DPP10: variants seen among roughly 807,000 people sequenced by gnomAD.
DPP10 encodes dipeptidyl peptidase like 10, also known as inactive dipeptidyl peptidase 10.
Under a neutral mutation model 120.9 loss-of-function variants are expected in DPP10, and 33 were observed. The observed-to-expected ratio is 0.27, with a 90% confidence interval of 0.21 to 0.37. DPP10 has a LOEUF of 0.37. Ranked by LOEUF, DPP10 falls within the 10% of genes least tolerant of loss-of-function variation. The pLI is 1.00. For missense variants in DPP10, 816 were observed against 942.8 expected (o/e 0.87, Z 1.76); for synonymous variants, 337 against 326.1 (o/e 1.03, Z -0.36).
Position 115,768,218 on chromosome 2 carries a change from C to G in DPP10, c.1114-79C>G, listed in dbSNP as rs138743717. On this transcript the variant is annotated intron_variant, in intron 12 of 25. Coordinates refer to ENST00000410059, the MANE Select transcript of DPP10 (RefSeq NM_020868.6). ...TTATAAATCAATATTTGGTATAACCCATGCAGGAATTAACAGTAGTAGGCA... is the reference window on the plus strand; with the variant it reads ...TTATAAATCAATATTTGGTATAACCGATGCAGGAATTAACAGTAGTAGGCA... 2.4e-3 allele frequency: 2,878 copies of G among 1,183,334 alleles called. 9 individuals are homozygous for G. Among genetic ancestry groups the G allele is most frequent in the Non-Finnish European group, 3.1e-3 (2,536 of 817,818 alleles). 73.3% of individuals were successfully genotyped at this position (1,183,334 alleles called of 1,614,324 possible).
chr2:114,874,841 T>C (rs1691017294), intron 1 of DPP10, among the ~76,000 whole-genome samples: 1 of 152,068 alleles, frequency 6.6e-6, no homozygotes, highest in Admixed American at 6.6e-5. Flanking sequence ...GTCTAAAGCT[T>C]GTGAATAGAG....
At chr2:115,726,572 C>T (rs1288678419) in intron 7 of DPP10, among the ~76,000 whole-genome samples, 1 of 152,060 alleles carries the variant, frequency 6.6e-6, no homozygotes, top group Non-Finnish European at 1.5e-5. Flanking sequence ...CAGTACCCTC[C>T]TTTCATTGTT....
intron 5 of DPP10, among the ~76,000 whole-genome samples, chr2:115,568,232 C>A (rs567145167): frequency 6.6e-6 from 1 of 150,480 alleles, no homozygotes; most frequent in Non-Finnish European, 1.5e-5. Context: ...CGCCTGTAAT[C>A]CCAGCACTGT....
At chr2:115,638,175 G>A (rs571036781) in intron 5 of DPP10, among the ~76,000 whole-genome samples, 2 of 152,180 alleles carry the variant, frequency 1.3e-5, no homozygotes, top group South Asian at 2.1e-4. Flanking sequence ...AAATATCATG[G>A]GACTTTGAAA....
intron 3 of DPP10, among the ~76,000 whole-genome samples, chr2:115,481,949 A>G (rs926028875): frequency 6.6e-5 from 10 of 152,116 alleles, no homozygotes; most frequent in Admixed American, 6.6e-4. Context: ...ACACATAGCA[A>G]CTATAACACA....
chr2:115,808,081 C>G (rs777103583), intron 19 of DPP10, among the ~76,000 whole-genome samples: 1 of 152,142 alleles, frequency 6.6e-6, no homozygotes, highest in Admixed American at 6.5e-5. Flanking sequence ...ATACCTTTAA[C>G]ATATGGATAA....
intron 1 of DPP10, among the ~76,000 whole-genome samples, chr2:114,878,751 A>G (rs1028295293): frequency 6.6e-6 from 1 of 152,080 alleles, no homozygotes; most frequent in Non-Finnish European, 1.5e-5. Flanking sequence ...TGTTGCTGCA[A>G]ATGAAAGGAT....
chr2:114,608,413 C>T (rs547309078), intron 1 of DPP10, among the ~76,000 whole-genome samples: 5 of 151,814 alleles, frequency 3.3e-5, no homozygotes, highest in Admixed American at 6.6e-5. Flanking sequence ...TTTGAGGAGA[C>T]GGTGGTAACA....
In DPP10 at chr2:115,544,390, T is replaced by TCAATTTTCC. The variant is rs146029141; in HGVS notation, c.441+18421_441+18429dup. ...TTCTGCAAGTCTTTTCATGCCGAGA[T>TCAATTTTCC]CAATTTTCCCATTTAGTCCATATTA... On this transcript the variant is annotated intron_variant, in intron 5 of 25. Coordinates refer to ENST00000410059, the MANE Select transcript of DPP10 (RefSeq NM_020868.6). 8.3e-3 allele frequency among the ~76,000 whole-genome samples: 1,256 copies of TCAATTTTCC among 152,168 alleles called. 10 individuals are homozygous for TCAATTTTCC. Among genetic ancestry groups the TCAATTTTCC allele is most frequent in the Non-Finnish European group, 0.013 (914 of 67,976 alleles).
chr2:115,107,236 A>G (rs1176774961), intron 1 of DPP10, among the ~76,000 whole-genome samples: 2 of 152,030 alleles, frequency 1.3e-5, no homozygotes, highest in Non-Finnish European at 2.9e-5. Context: ...CATGAAGGGA[A>G]TAGGGATCAC....
At chr2:115,047,764 A>T (rs1480426639) in intron 1 of DPP10, among the ~76,000 whole-genome samples, 1 of 152,142 alleles carries the variant, frequency 6.6e-6, no homozygotes, top group Admixed American at 6.5e-5. Context: ...CATAACACAG[A>T]TATTAGTAAC....
At chr2:115,078,336 T>C (rs1707963843) in intron 1 of DPP10, among the ~76,000 whole-genome samples, 1 of 152,192 alleles carries the variant, frequency 6.6e-6, no homozygotes, top group African/African-American at 2.4e-5. Context: ...AAGAAAATTA[T>C]ACTGTAACCT....
chr2:114,542,046 TTCC>T (rs1399036283), intron 1 of DPP10, among the ~76,000 whole-genome samples: 5 of 91,984 alleles, frequency 5.4e-5, no homozygotes, highest in Admixed American at 3.8e-4. Context: ...CTTTCTTTCT[TTCC>T]TTTTTTTTTT....
At position 114,744,771 on chromosome 2, in the gene DPP10, G is replaced by GT. The variant is rs917612188; in HGVS notation, c.60+301942dup. Reference sequence around the variant, plus strand: ...ACCATATGGCCACAATGCCTAATTTGTTTTTTTTTAGACGGAGTCTCACTC... The same window carrying GT: ...ACCATATGGCCACAATGCCTAATTTGTTTTTTTTTTAGACGGAGTCTCACTC... On this transcript the variant is annotated intron_variant, in intron 1 of 25. Coordinates refer to ENST00000410059, the MANE Select transcript of DPP10 (RefSeq NM_020868.6). Among the ~76,000 whole-genome samples, 5 of 150,672 alleles carry GT rather than the reference G, an allele frequency of 3.3e-5. No individual in the cohort carries two copies. The South Asian group carries it at 6.4e-4, about 19-fold the overall frequency.
At chr2:114,689,331 C>T (rs1039997916) in intron 1 of DPP10, among the ~76,000 whole-genome samples, 1 of 151,744 alleles carries the variant, frequency 6.6e-6, no homozygotes, top group Non-Finnish European at 1.5e-5. Context: ...GAGCATGTGG[C>T]GTTTGGTTTC....
At chr2:115,768,876 T>A (rs951115679) in intron 13 of DPP10, among the ~76,000 whole-genome samples, 30 of 151,680 alleles carry the variant, frequency 2.0e-4, no homozygotes, top group Non-Finnish European at 7.4e-5. Flanking sequence ...TGCAGATTTT[T>A]AAAAAACAGG....
At chr2:114,819,472 A>G (rs561871772) in intron 1 of DPP10, among the ~76,000 whole-genome samples, 1 of 152,310 alleles carries the variant, frequency 6.6e-6, no homozygotes, top group South Asian at 2.1e-4. Flanking sequence ...AATATCATGA[A>G]AAATAAAAAT....
chr2:115,392,294 G>A (rs1006955734), intron 3 of DPP10, among the ~76,000 whole-genome samples: 14 of 151,928 alleles, frequency 9.2e-5, no homozygotes, highest in Non-Finnish European at 1.5e-4. Flanking sequence ...GTGACCTTTA[G>A]TTTTAATAAG....
At chr2:114,772,662 C>CT (rs34802599) in intron 1 of DPP10, among the ~76,000 whole-genome samples, 6,812 of 145,264 alleles carry the variant, frequency 0.047, 515 homozygotes, top group African/African-American at 0.16. Flanking sequence ...CACCTCATAC[C>CT]TTTTTTTTTT....
Sources: gnomAD v4.1 joint callset for allele counts (sites outside exome capture counted in the v4.1 genomes callset) on GRCh38, gnomAD v4.1.1 for gene constraint, MANE v1.5 for transcripts, NCBI Gene and HGNC (gene_info 2026-07-23, HGNC 2026-07-21) for gene names.